VPS13B: variants seen among roughly 807,000 people sequenced by gnomAD.
VPS13B encodes the protein vacuolar protein sorting 13 homolog B.
Under a neutral mutation model 426.4 loss-of-function variants are expected in VPS13B, and 285 were observed. That is an observed-to-expected ratio of 0.67 (90% CI 0.61 to 0.74). The LOEUF (loss-of-function observed/expected upper bound fraction) is 0.74, where lower values mean the gene tolerates loss of function less well. Among genes scored for constraint, VPS13B ranks in the 30% least tolerant of loss-of-function variants. VPS13B has a pLI of 0.00. For synonymous variants in VPS13B, 1,676 were observed against 1,676.4 expected, an observed-to-expected ratio of 1.00 and a Z score of 0.01; for missense variants, 4,537 against 4,782.6, an observed-to-expected ratio of 0.95 and a Z score of 1.51.
intron 3 of VPS13B, among the ~76,000 whole-genome samples, chr8:99,053,921 C>A (rs1158384345): frequency 6.6e-6 from 1 of 152,194 alleles, no homozygotes; most frequent in Non-Finnish European, 1.5e-5. Context: ...CCAGGCTGAT[C>A]TCAAACTCCT....
At chr8:99,542,116 C>A (rs1392863921) in intron 30 of VPS13B, among the ~76,000 whole-genome samples, 1 of 152,094 alleles carries the variant, frequency 6.6e-6, no homozygotes, top group African/African-American at 2.4e-5. Context: ...GTCTCCGTCT[C>A]CTGACCTCAT....
intron 39 of VPS13B, among the ~76,000 whole-genome samples, chr8:99,761,604 A>G (rs1341099775): frequency 6.6e-6 from 1 of 152,232 alleles, no homozygotes; most frequent in African/African-American, 2.4e-5. Flanking sequence ...ATTTTAATGC[A>G]GAATTTCAGG....
chr8:99,716,726 A>G (rs1325034462), intron 36 of VPS13B, among the ~76,000 whole-genome samples: 1 of 152,148 alleles, frequency 6.6e-6, no homozygotes, highest in Non-Finnish European at 1.5e-5. Context: ...GATTGTTTTG[A>G]ATTTTAACAT....
At chr8:99,487,973 GT>G (rs1820398974) in intron 25 of VPS13B, among the ~76,000 whole-genome samples, 1 of 152,114 alleles carries the variant, frequency 6.6e-6, no homozygotes, top group South Asian at 2.1e-4. Context: ...TTGTATGCAT[GT>G]TATATGACTT....
intron 19 of VPS13B, among the ~76,000 whole-genome samples, chr8:99,287,128 C>T (rs951304702): frequency 1.1e-4 from 16 of 152,038 alleles, no homozygotes; most frequent in African/African-American, 3.9e-4. Flanking sequence ...TGTGTTCTAA[C>T]TTCTAAGTAC....
intron 19 of VPS13B, among the ~76,000 whole-genome samples, chr8:99,311,058 T>C (rs1820939941): frequency 6.6e-6 from 1 of 152,206 alleles, no homozygotes; most frequent in African/African-American, 2.4e-5. Flanking sequence ...GATTCTTCTC[T>C]CTTTTCTTCT....
At chr8:99,034,414 G>GT (rs35822371) in intron 2 of VPS13B, among the ~76,000 whole-genome samples, 105,434 of 144,560 alleles carry the variant, frequency 0.73, 38,771 homozygotes, top group South Asian at 0.86. Context: ...TTATAAGTCT[G>GT]TTTTTTTTTT....
Position 99,481,644 on chromosome 8 carries a change from A to G in VPS13B, c.3712A>G (p.Asn1238Asp). 1 of 1,613,952 alleles carries G rather than the reference A, an allele frequency of 6.2e-7. No individual in the cohort carries two copies. The highest frequency in any genetic ancestry group is 8.5e-7 in the Non-Finnish European group (1 of 1,179,862). The change falls in exon 25 of 62, where the codon AAC (asparagine) becomes GAC (aspartate). Residue 1238 changes from asparagine (N) to aspartate (D), a missense_variant. Transcript: ENST00000357162. ...ELTDIMNKVW[N>D]KIQKRGNLNL... is the part of the protein sequence containing the mutation. ...AACTGATATCATGAATAAGGTCTGG[A>G]ACAAGATTCAGAAGAGAGGCAATCT...
At chr8:99,169,997 C>T (rs1316316095) in intron 15 of VPS13B, 42 bp from the exon 16 acceptor site, 4 of 1,609,698 alleles carry the variant, frequency 2.5e-6, no homozygotes, top group African/African-American at 1.3e-5. Context: ...CTTATTAAAA[C>T]TTTGTCTGTG....
At chr8:99,510,278 G>T (rs1010522906) in intron 28 of VPS13B, among the ~76,000 whole-genome samples, 1 of 152,030 alleles carries the variant, frequency 6.6e-6, no homozygotes, top group South Asian at 2.1e-4. Context: ...CCAAATTATT[G>T]AAGGAAAAAC....
At chr8:99,507,009 T>G in intron 27 of VPS13B, 128 bp from the exon 28 acceptor site, 6 of 937,772 alleles carry the variant, frequency 6.4e-6, no homozygotes, top group Non-Finnish European at 1.0e-5. Context: ...TTGATTGCAT[T>G]GTCAGATTTA....
intron 19 of VPS13B, among the ~76,000 whole-genome samples, chr8:99,335,094 A>G (rs1285223501): frequency 6.6e-6 from 1 of 152,088 alleles, no homozygotes; most frequent in Non-Finnish European, 1.5e-5. Context: ...GGGAGGGTGC[A>G]TGTGTTGAGG....
chr8:99,500,752 T>G (rs1025299380), intron 25 of VPS13B, among the ~76,000 whole-genome samples: 2 of 152,218 alleles, frequency 1.3e-5, no homozygotes, highest in African/African-American at 2.4e-5. Context: ...GACAGCAAAG[T>G]TTGGGATTTT....
intron 19 of VPS13B, among the ~76,000 whole-genome samples, chr8:99,311,777 G>A (rs547799380): frequency 3.9e-5 from 6 of 152,134 alleles, no homozygotes; most frequent in African/African-American, 1.4e-4. Flanking sequence ...GGGTGTTATA[G>A]TCTCCCATTA....
At chr8:99,526,636 G>A (rs766297334) in intron 30 of VPS13B, among the ~76,000 whole-genome samples, 8 of 152,166 alleles carry the variant, frequency 5.3e-5, no homozygotes, top group East Asian at 1.9e-4. Context: ...AAGGAAAACC[G>A]TAGGAAGATT....
At chr8:99,453,814 G>C (rs969961836) in intron 23 of VPS13B, among the ~76,000 whole-genome samples, 1 of 152,042 alleles carries the variant, frequency 6.6e-6, no homozygotes, top group Non-Finnish European at 1.5e-5. Context: ...CTAAACCTGC[G>C]CAGCCTCTCC....
chr8:99,476,759 A>C (rs549564733), intron 24 of VPS13B, among the ~76,000 whole-genome samples: 5 of 152,182 alleles, frequency 3.3e-5, no homozygotes, highest in Admixed American at 3.3e-4. Context: ...AAAACTAAAG[A>C]AAAACATTTT....
In VPS13B at chr8:99,654,327, C is replaced by A. The variant is rs931585971; in HGVS notation, c.5909-7027C>A. On this transcript the variant is annotated intron_variant, in intron 34 of 61. Transcript: ENST00000357162. ...CCTTCCAAAGTGCTGGGATTACAGG[C>A]GTGAGCCACCACGCCCGGCTGACAC... Among the ~76,000 whole-genome samples, 10 of 152,044 alleles carry A rather than the reference C, an allele frequency of 6.6e-5. No individual in the cohort carries two copies. In the East Asian group the frequency reaches 1.9e-3, roughly 29 times the overall value.
At chr8:99,283,095 A>G (rs916422484) in intron 19 of VPS13B, among the ~76,000 whole-genome samples, 1 of 152,110 alleles carries the variant, frequency 6.6e-6, no homozygotes, top group African/African-American at 2.4e-5. Flanking sequence ...AAAAATGGAG[A>G]CAGTATTTTA....
Sources: gnomAD v4.1 joint callset for allele counts (sites outside exome capture counted in the v4.1 genomes callset) on GRCh38, gnomAD v4.1.1 for gene constraint, MANE v1.5 for transcripts, NCBI Gene and HGNC (gene_info 2026-07-23, HGNC 2026-07-21) for gene names.